Variants in NEB observed in about 807,000 individuals in gnomAD.
NEB encodes the protein nemaline myopathy type 2.
NEB carries 512 observed loss-of-function variants against 952.2 expected under a neutral mutation model. The observed-to-expected ratio is 0.54, with a 90% confidence interval of 0.50 to 0.58. The LOEUF (loss-of-function observed/expected upper bound fraction) is 0.58, where lower values mean the gene tolerates loss of function less well. Ranked by LOEUF, NEB falls within the 20% of genes least tolerant of loss-of-function variation. The pLI is 0.00. For missense variants in NEB, 8,428 were observed against 9,231.1 expected (o/e 0.91, Z 3.56); for synonymous variants, 2,900 against 3,149.8 (o/e 0.92, Z 2.66).
chr2:151,526,457 A>C (rs1408639988), intron 148 of NEB, among the ~76,000 whole-genome samples, 195 bp from the exon 149 acceptor site: 2 of 152,220 alleles, frequency 1.3e-5, no homozygotes, highest in African/African-American at 4.8e-5. Flanking sequence ...AATAACAATC[A>C]AAATGGATCT....
intron 74 of NEB, 83 bp downstream of exon 74, chr2:151,618,192 C>A: frequency 8.0e-7 from 1 of 1,254,132 alleles, no homozygotes; most frequent in Non-Finnish European, 1.2e-6. Context: ...TTATTATTAT[C>A]TTTAAAATGC....
rs577573338 is a variant in NEB, at chr2:151,619,614, G to A, written c.10709C>T (p.Thr3570Ile). Residue 3570 changes from threonine (T) to isoleucine (I), a missense_variant, in exon 73 of 182, where the codon ACA (threonine) becomes ATA (isoleucine). Physicochemically the swap from Thr to Ile is moderately conservative, Grantham distance 89. This residue lies in a region of NEB where 1,772 missense variants were observed against 1,960.3 expected (regional missense o/e 0.90). Transcript: ENST00000397345. ...EYKKDFEKYK[T>I]RYSSPVDMLG... ...CATGTCCACTGGGCTGCTGTACCTT[G>A]TCTTGTATTTCTCAAAATCTTTCTT... is the stretch of plus-strand genomic sequence containing the variant. 5.0e-6 allele frequency: 8 copies of A among 1,613,988 alleles called. No homozygotes were observed. The African/African-American group carries it at 6.7e-5, about 13-fold the overall frequency.
Position 151,627,568 on chromosome 2 carries a change from C to G in NEB, c.10098G>C (p.Gln3366His). Residue 3366 changes from glutamine to histidine, a missense_variant, in exon 69 of 182, where the codon CAG (glutamine) becomes CAC (histidine). Physicochemically the swap from Gln to His is conservative, Grantham distance 24. This residue lies in a region of NEB where 1,772 missense variants were observed against 1,960.3 expected (regional missense o/e 0.90). Transcript: ENST00000397345. ...YLHEWTCLPD[Q>H]NDVIHARQAY... The stretch of plus-strand genomic sequence containing the variant: ...CCTGCCGAGCATGGATGACATCATT[C>G]TGGTCGGGCAGGCACGTCCACTCGT... 1 of 1,614,028 alleles carries G rather than the reference C, an allele frequency of 6.2e-7. No homozygotes were observed. The highest frequency in any genetic ancestry group is 8.5e-7 in the Non-Finnish European group (1 of 1,179,888).
rs761047632 is a variant in NEB, at chr2:151,650,176, A to G, written c.7431T>C (p.Asp2477=). The G allele has an allele frequency of 6.2e-7, 1 of 1,613,442 alleles. No individual in the cohort carries two copies. The highest frequency in any genetic ancestry group is 1.1e-5 in the South Asian group (1 of 91,074). The change falls in exon 54 of 182, where the codon GAT becomes GAC. Residue 2477 remains aspartate (D), a splice_region_variant and synonymous_variant. Coordinates refer to ENST00000397345, the MANE Select transcript of NEB (RefSeq NM_001164508.2). ...TATTTATTTCCAGAGTGCTACTCAC[A>G]TCACTCCTATTTTTGGCATTTGTCT... ...LAKTNAKNRS[D]RLYREAWDKD...
intron 65 of NEB, among the ~76,000 whole-genome samples, chr2:151,632,205 A>G (rs914060852): frequency 6.6e-6 from 1 of 152,046 alleles, no homozygotes; most frequent in African/African-American, 2.4e-5. Flanking sequence ...TTAGATATTC[A>G]TAACTGCTTC....
intron 12 of NEB, among the ~76,000 whole-genome samples, chr2:151,707,893 T>C (rs982925006): frequency 1.3e-5 from 2 of 152,190 alleles, no homozygotes; most frequent in African/African-American, 4.8e-5. Context: ...ATCACGACAG[T>C]ATGCTACAGT....
chr2:151,688,154 G>T (rs2099517314), intron 25 of NEB, 138 bp downstream of exon 25: 1 of 656,010 alleles, frequency 1.5e-6, no homozygotes, highest in African/African-American at 1.8e-5. Context: ...AGAGCATTTT[G>T]GCCTTAAAAG....
In NEB at chr2:151,514,357, G is replaced by A. The variant is rs2153304583; in HGVS notation, c.23088C>T (p.Asp7696=). 1 of 1,613,802 alleles carries A rather than the reference G, an allele frequency of 6.2e-7. No individual in the cohort carries two copies. Among genetic ancestry groups the A allele is most frequent in the Non-Finnish European group, 8.5e-7 (1 of 1,179,714 alleles). The change falls in exon 159 of 182, where the codon GAC becomes GAT. Residue 7696 remains aspartate, a synonymous_variant. Coordinates refer to ENST00000397345, the MANE Select transcript of NEB (RefSeq NM_001164508.2). The stretch of plus-strand genomic sequence containing the variant: ...GAGTGGCATTCTTTGCTCTTAGCAT[G>A]TCAGGTGTATCTTCCATTTCAGTGA... The part of the protein sequence containing the change: ...KGLTEMEDTP[D]MLRAKNATQI...
At position 151,594,847 on chromosome 2, in the gene NEB, A is replaced by C. The variant is rs533617088; in HGVS notation, c.14206-529T>G. Among the ~76,000 whole-genome samples the C allele has an allele frequency of 2.4e-3, 123 of 52,326 alleles. 1 individual carries two copies. In the East Asian group the frequency reaches 0.031, roughly 13 times the overall value. 34.3% of individuals were successfully genotyped at this position (52,326 alleles called of 152,430 possible). ...CTCCTAAGAGTACTGAAGGAACCTC[A>C]GGTAGGGAGAGGTCATACGTGTGTG... On this transcript the variant is annotated intron_variant, in intron 92 of 181. Coordinates refer to ENST00000397345, the MANE Select transcript of NEB (RefSeq NM_001164508.2).
rs2098975569 is a variant in NEB at position 151,647,464 on chromosome 2, C to T, written c.7432-1230G>A. Among the ~76,000 whole-genome samples, 2 of 152,266 alleles carry T rather than the reference C, an allele frequency of 1.3e-5. 1 individual carries two copies. Among genetic ancestry groups the T allele is most frequent in the African/African-American group, 4.8e-5 (2 of 41,540 alleles). ...ATATTTACACAGGGCAGAATATCTC[C>T]CTGCCAGATTACTTATCAATTACAA... is the stretch of plus-strand genomic sequence containing the variant. On this transcript the variant is annotated intron_variant, in intron 54 of 181. Coordinates refer to ENST00000397345, the MANE Select transcript of NEB (RefSeq NM_001164508.2).
chr2:151,502,941 G>A, intron 166 of NEB, 56 bp from the exon 167 acceptor site: 2 of 1,072,602 alleles, frequency 1.9e-6, no homozygotes, highest in Non-Finnish European at 2.8e-6. Flanking sequence ...AGAGAGTAAG[G>A]AAGGAAGGAA....
rs1346334410 is a variant in NEB, at chr2:151,619,563, C to T, written c.10760G>A (p.Cys3587Tyr). Residue 3587 changes from cysteine (C) to tyrosine (Y), a missense_variant, in exon 73 of 182, where the codon TGT becomes TAT. Physicochemically the swap from Cys to Tyr is radical, Grantham distance 194 (BLOSUM62 -2). Around this residue, in one of 11 missense-constraint regions of NEB, gnomAD observed 1,772 missense variants for 1,960.3 expected, o/e 0.90. Coordinates refer to ENST00000397345, the MANE Select transcript of NEB (RefSeq NM_001164508.2). ...GTCCACATCGCTGACCAAGGTCTGA[C>T]ACTTCTTGGCCAAAACGATACCAAG... is the stretch of plus-strand genomic sequence containing the variant. The part of the protein sequence containing the change: ...DMLGIVLAKK[C>Y]QTLVSDVDYK... 1 of 1,613,970 alleles carries T rather than the reference C, an allele frequency of 6.2e-7. No individual in the cohort carries two copies. Among genetic ancestry groups the T allele is most frequent in the Non-Finnish European group, 8.5e-7 (1 of 1,179,866 alleles).
At position 151,609,805 on chromosome 2, in the gene NEB, G is replaced by A. The variant is rs772068098; in HGVS notation, c.12330+4C>T. ...CCCCCTTTCCCAAAATTCATGTTAC[G>A]TACATCACTCTGCAGGTCATAGGCC... On this transcript the variant is annotated splice_donor_region_variant and intron_variant, in intron 81 of 181. Transcript: ENST00000397345. 1.6e-5 allele frequency: 25 copies of A among 1,566,904 alleles called. No individual in the cohort carries two copies. The highest frequency in any genetic ancestry group is 6.8e-5 in the African/African-American group (5 of 73,288).
chr2:151,616,878 G>T (rs1034158751), intron 75 of NEB, among the ~76,000 whole-genome samples: 1 of 151,996 alleles, frequency 6.6e-6, no homozygotes, highest in East Asian at 1.9e-4. Context: ...CTATTATCTC[G>T]GACAATGATT....
Position 151,575,711 on chromosome 2 carries a change from G to A in NEB, c.16997C>T (p.Ala5666Val). 2.5e-6 allele frequency: 4 copies of A among 1,600,106 alleles called. No individual in the cohort carries two copies. Among genetic ancestry groups the A allele is most frequent in the Non-Finnish European group, 3.4e-6 (4 of 1,167,308 alleles). Reference protein sequence around the residue: ...TPEINLARANALNVSNKLYRE... With the variant: ...TPEINLARANVLNVSNKLYRE... ...AGTACTTACATTGCTCACATTAAGA[G>A]CATTTGCTCTAGCGAGATTAATTTC... The change falls in exon 107 of 182, where the codon GCT becomes GTT. Residue 5666 changes from alanine (A) to valine (V), a missense_variant. Physicochemically the swap from Ala to Val is moderately conservative, Grantham distance 64. Transcript: ENST00000397345.
At chr2:151,732,983 C>A in intron 3 of NEB, 138 bp downstream of exon 3, 1 of 672,036 alleles carries the variant, frequency 1.5e-6, no homozygotes, top group South Asian at 2.6e-5. Context: ...TAAAATATTC[C>A]TTTCTTATGC....
In NEB at chr2:151,730,732, C is replaced by T. The variant is rs191058825; in HGVS notation, c.37-1076G>A. Among the ~76,000 whole-genome samples, 25 of 152,124 alleles carry T rather than the reference C, an allele frequency of 1.6e-4. 1 individual carries two copies. Among genetic ancestry groups the T allele is most frequent in the African/African-American group, 5.1e-4 (21 of 41,506 alleles). ...GAAAACATTAAGATGCAAAATTTCC[C>T]TCAATGGCCTGCATTCTTTTCAGTG... is the stretch of plus-strand genomic sequence containing the variant. On this transcript the variant is annotated intron_variant, in intron 3 of 181. Transcript: ENST00000397345.
At chr2:151,685,675 C>G (rs1402614390) in intron 27 of NEB, among the ~76,000 whole-genome samples, 1 of 152,222 alleles carries the variant, frequency 6.6e-6, no homozygotes, top group Admixed American at 6.5e-5. Context: ...GCCTCAAGGA[C>G]TCCCTTCATT....
In NEB at chr2:151,490,415, G is replaced by C; in HGVS notation, c.25254C>G (p.His8418Gln). 6.3e-7 allele frequency: 1 copy of C among 1,598,892 alleles called. No homozygotes were observed. Among genetic ancestry groups the C allele is most frequent in the African/African-American group, 1.3e-5 (1 of 74,670 alleles). ...CACCCCCGTCGCTGTAAGTCGAAAG[G>C]TGGTGGTCTGGTGCTTCTGAATGCT... ...KSEHSEAPDH[H>Q]LSTYSDGGVF... The change falls in exon 180 of 182, where the codon CAC (histidine) becomes CAG (glutamine). Residue 8418 changes from histidine to glutamine, a missense_variant. Coordinates refer to ENST00000397345, the MANE Select transcript of NEB (RefSeq NM_001164508.2).
Sources: gnomAD v4.1 joint callset for allele counts (sites outside exome capture counted in the v4.1 genomes callset) on GRCh38, gnomAD v4.1.1 for gene constraint, gnomAD v4.1.1 regional missense constraint, MANE v1.5 for transcripts, NCBI Gene and HGNC (gene_info 2026-07-23, HGNC 2026-07-21) for gene names.